Variants in FAM110B observed in about 807,000 individuals in gnomAD.
The protein encoded by FAM110B is family with sequence similarity 110 member B.
A neutral mutation model predicts 20.4 loss-of-function variants in FAM110B; 6 were observed. The ratio of observed to expected loss-of-function variants is 0.29; its 90% confidence interval spans 0.16 to 0.58. The LOEUF (loss-of-function observed/expected upper bound fraction) is 0.58. FAM110B is among the 20% of genes least tolerant of loss of function. FAM110B has a pLI of 0.90. For synonymous variants in FAM110B, 226 were observed against 214.1 expected, an observed-to-expected ratio of 1.06 and a Z score of -0.49; for missense variants, 434 against 498.2, an observed-to-expected ratio of 0.87 and a Z score of 1.23.
At chr8:58,022,709 C>G (rs896028230) in intron 1 of FAM110B, among the ~76,000 whole-genome samples, 9 of 152,148 alleles carry the variant, frequency 5.9e-5, no homozygotes, top group Admixed American at 5.2e-4. Context: ...TTGTTCTACA[C>G]TTGCTTATTA....
chr8:58,028,455 G>A (rs1804895464), intron 1 of FAM110B, among the ~76,000 whole-genome samples: 1 of 152,158 alleles, frequency 6.6e-6, no homozygotes, highest in Non-Finnish European at 1.5e-5. Context: ...TATTTGGTAT[G>A]TAGTGGTATC....
At position 58,147,235 on chromosome 8, in the gene FAM110B, T is replaced by A; in HGVS notation, c.1005T>A (p.Asn335Lys). ...NSDLRNDDSANDRVPYGISAI... is the reference protein window; with the variant it reads ...NSDLRNDDSAKDRVPYGISAI... Reference sequence around the variant, plus strand: ...ACCTTAGAAATGATGACAGTGCCAATGACCGCGTGCCGTATGGCATTTCTG... The same window carrying A: ...ACCTTAGAAATGATGACAGTGCCAAAGACCGCGTGCCGTATGGCATTTCTG... The change falls in exon 4 of 4, where the codon AAT becomes AAA. Residue 335 changes from asparagine (N) to lysine (K), a missense_variant. This residue lies in a region of FAM110B where 94 missense variants were observed against 137.8 expected (regional missense o/e 0.68). Transcript: ENST00000519262. The A allele has an allele frequency of 6.2e-7, 1 of 1,614,112 alleles. No homozygotes were observed. The highest frequency in any genetic ancestry group is 8.5e-7 in the Non-Finnish European group (1 of 1,179,998).
intron 2 of FAM110B, among the ~76,000 whole-genome samples, chr8:58,064,189 C>T (rs1805715456): frequency 6.6e-6 from 1 of 152,180 alleles, no homozygotes. Context: ...CATCAGGCCT[C>T]ACCTCCAACA....
chr8:58,141,797 C>A (rs1803749904), intron 3 of FAM110B, among the ~76,000 whole-genome samples: 1 of 152,218 alleles, frequency 6.6e-6, no homozygotes, highest in Non-Finnish European at 1.5e-5. Flanking sequence ...GAGCCACATT[C>A]CCCATGGCAG....
chr8:58,138,602 G>A (rs571122498), intron 3 of FAM110B, among the ~76,000 whole-genome samples: 5 of 152,236 alleles, frequency 3.3e-5, no homozygotes, highest in South Asian at 4.1e-4. Flanking sequence ...ACTGAGCACC[G>A]AGTGAAGGGC....
chr8:58,118,542 A>G (rs1479354450), intron 3 of FAM110B, among the ~76,000 whole-genome samples: 1 of 152,166 alleles, frequency 6.6e-6, no homozygotes, highest in African/African-American at 2.4e-5. Context: ...GCAGATGCTT[A>G]CTTCTAAGGC....
chr8:58,114,284 G>T (rs895576040), intron 3 of FAM110B, among the ~76,000 whole-genome samples: 7 of 152,126 alleles, frequency 4.6e-5, no homozygotes, highest in Non-Finnish European at 8.8e-5. Flanking sequence ...GCTATTCCTC[G>T]ATAGTCTAAT....
At chr8:58,018,080 A>G (rs1804675079) in intron 1 of FAM110B, among the ~76,000 whole-genome samples, 1 of 152,178 alleles carries the variant, frequency 6.6e-6, no homozygotes, top group South Asian at 2.1e-4. Flanking sequence ...ATGTGAAAAA[A>G]TGTGTAATTT....
intron 3 of FAM110B, among the ~76,000 whole-genome samples, chr8:58,082,847 G>GTTT (rs57216749): frequency 2.9e-4 from 39 of 135,558 alleles, no homozygotes; most frequent in African/African-American, 9.9e-4. Context: ...GTTTTTTTTT[G>GTTT]TTTTTTTTTT....
intron 1 of FAM110B, among the ~76,000 whole-genome samples, chr8:58,006,923 A>ATATATATTT: frequency 7.9e-6 from 1 of 126,518 alleles, no homozygotes; most frequent in Non-Finnish European, 1.6e-5. Context: ...ATATATATAT[A>ATATATATTT]TTTTTCCAAA....
At chr8:58,024,368 G>C (rs1804814176) in intron 1 of FAM110B, among the ~76,000 whole-genome samples, 2 of 152,090 alleles carry the variant, frequency 1.3e-5, no homozygotes, top group South Asian at 4.1e-4. Flanking sequence ...GTATAAGCCT[G>C]CCTTTTTTTG....
At chr8:58,015,753 G>A (rs1488513113) in intron 1 of FAM110B, among the ~76,000 whole-genome samples, 1 of 151,206 alleles carries the variant, frequency 6.6e-6, no homozygotes, top group Non-Finnish European at 1.5e-5. Flanking sequence ...GCTGAGGCAG[G>A]ACAATCGCTT....
intron 3 of FAM110B, among the ~76,000 whole-genome samples, chr8:58,102,427 A>G (rs1221659191): frequency 6.6e-6 from 1 of 152,154 alleles, no homozygotes; most frequent in Non-Finnish European, 1.5e-5. Flanking sequence ...CAATGAAATT[A>G]CTCCTTATGT....
intron 1 of FAM110B, among the ~76,000 whole-genome samples, chr8:58,001,572 T>C (rs969642456): frequency 9.2e-5 from 14 of 152,238 alleles, no homozygotes; most frequent in Non-Finnish European, 2.1e-4. Flanking sequence ...TCGAACTGTT[T>C]TGATTGTTCA....
intron 3 of FAM110B, among the ~76,000 whole-genome samples, chr8:58,130,170 T>G (rs1481218905): frequency 6.6e-6 from 1 of 152,226 alleles, no homozygotes. Flanking sequence ...CTAGCACTTC[T>G]TTAAAAACCA....
At chr8:58,084,381 A>ATC (rs1321489005) in intron 3 of FAM110B, among the ~76,000 whole-genome samples, 1 of 148,628 alleles carries the variant, frequency 6.7e-6, no homozygotes, top group African/African-American at 2.5e-5. Flanking sequence ...GTGGACTTGA[A>ATC]TCTCCATTTT....
At chr8:58,142,867 C>T (rs1251997449) in intron 3 of FAM110B, among the ~76,000 whole-genome samples, 1 of 152,200 alleles carries the variant, frequency 6.6e-6, no homozygotes, top group Non-Finnish European at 1.5e-5. Context: ...TTTCCTTCCT[C>T]AAAACAACAC....
At chr8:58,075,362 GC>G (rs1318420454) in intron 2 of FAM110B, among the ~76,000 whole-genome samples, 172 bp from the exon 3 acceptor site, 2 of 150,742 alleles carry the variant, frequency 1.3e-5, no homozygotes, top group Admixed American at 1.3e-4. Context: ...CAAGTGATCT[GC>G]CCCCCTCGGC....
chr8:58,042,883 T>G (rs1160100092), intron 2 of FAM110B, among the ~76,000 whole-genome samples: 1 of 152,230 alleles, frequency 6.6e-6, no homozygotes, highest in Non-Finnish European at 1.5e-5. Flanking sequence ...CACTTCACAC[T>G]GTGGGAATAG....
Sources: allele counts gnomAD v4.1 joint callset (sites outside exome capture counted in the v4.1 genomes callset), GRCh38; gene constraint gnomAD v4.1.1; regional missense constraint gnomAD v4.1.1; transcripts MANE v1.5; gene names NCBI Gene and HGNC (gene_info 2026-07-23, HGNC 2026-07-21).